Variants in MYO5B observed in about 807,000 individuals in gnomAD.
MYO5B encodes myosin VB, also known as unconventional myosin-Vb.
A neutral mutation model predicts 229.3 loss-of-function variants in MYO5B; 143 were observed. That is an observed-to-expected ratio of 0.62 (90% CI 0.54 to 0.72). The LOEUF (loss-of-function observed/expected upper bound fraction) is 0.72. Among genes scored for constraint, MYO5B ranks in the 30% least tolerant of loss-of-function variants. MYO5B has a pLI of 0.00. For missense variants in MYO5B, 2,321 were observed against 2,331.0 expected (o/e 1.00, Z 0.09); for synonymous variants, 918 against 885.2 (o/e 1.04, Z -0.66).
chr18:49,850,336 C>T (rs2024184887), intron 31 of MYO5B: 1 of 155,710 alleles, frequency 6.4e-6, no homozygotes, highest in African/African-American at 2.4e-5. Flanking sequence ...TAGAGAGTGA[C>T]AGGAAGACAG....
intron 2 of MYO5B, among the ~76,000 whole-genome samples, chr18:50,047,420 C>T (rs1188614198): frequency 1.3e-5 from 2 of 152,092 alleles, no homozygotes; most frequent in South Asian, 2.1e-4. Flanking sequence ...GAATGGCAAT[C>T]ATTAAAAAGT....
chr18:49,843,318 C>T lies in MYO5B; in HGVS notation c.4534G>A (p.Ala1512Thr), dbSNP rs371788153. Reference protein sequence around the residue: ...AYILYMCIRHADYTNDDLKVH... With the variant: ...AYILYMCIRHTDYTNDDLKVH... The stretch of plus-strand genomic sequence containing the variant: ...TTGAGATCGTCGTTGGTGTAGTCCG[C>T]GTGCCGGATGCACATGTAGAGGATG... Residue 1512 changes from alanine to threonine, a missense_variant, in exon 34 of 40, where the codon GCG becomes ACG. By Grantham distance (58) the Ala-to-Thr change is moderately conservative. Around this residue, in one of 2 missense-constraint regions of MYO5B, gnomAD observed 2,113 missense variants for 2,044.7 expected, o/e 1.03. Transcript: ENST00000285039. 6.8e-5 allele frequency: 109 copies of T among 1,614,074 alleles called. No homozygotes were observed. The highest frequency in any genetic ancestry group is 1.6e-4 in the Middle Eastern group (1 of 6,084).
intron 39 of MYO5B, among the ~76,000 whole-genome samples, chr18:49,833,761 T>C (rs1016009194): frequency 7.2e-5 from 11 of 152,190 alleles, no homozygotes; most frequent in African/African-American, 1.4e-4. Context: ...ATCCATATAA[T>C]GGGTCCAGGT....
intron 17 of MYO5B, among the ~76,000 whole-genome samples, chr18:49,926,564 T>C (rs2025130598): frequency 6.6e-6 from 1 of 152,218 alleles, no homozygotes; most frequent in African/African-American, 2.4e-5. Context: ...GCAGTGTGAT[T>C]TCACAAGAGC....
rs867132437 is a variant in MYO5B, at chr18:50,037,101, A to C, written c.311-107T>G. Reference sequence around the variant, plus strand: ...CACATGCCAAAAACCAAAGAATGAGAGGGCAGCAGAACCAGTCTTAACCAA... The same window carrying C: ...CACATGCCAAAAACCAAAGAATGAGCGGGCAGCAGAACCAGTCTTAACCAA... On this transcript the variant is annotated intron_variant, in intron 3 of 39. Transcript: ENST00000285039. 1.5e-4 allele frequency: 186 copies of C among 1,229,688 alleles called. 1 individual carries two copies. Among genetic ancestry groups the C allele is most frequent in the Middle Eastern group, 7.5e-4 (4 of 5,344 alleles). The allele number at this position is 1,229,688 out of a possible 1,614,324, so 76.2% of individuals were successfully genotyped here. A position where few individuals can be genotyped will look rare whatever the true frequency, so the allele number is the denominator to read the frequency against.
chr18:49,985,518 C>T (rs544669665), intron 7 of MYO5B, among the ~76,000 whole-genome samples: 13 of 152,202 alleles, frequency 8.5e-5, no homozygotes, highest in East Asian at 1.9e-4. Context: ...ACAAAGAGGA[C>T]GGCAGAATTA....
intron 1 of MYO5B, among the ~76,000 whole-genome samples, chr18:50,073,613 T>C (rs967411297): frequency 1.3e-5 from 2 of 152,202 alleles, no homozygotes; most frequent in Non-Finnish European, 2.9e-5. Flanking sequence ...CTCTCATGTA[T>C]GCAGCTGAGC....
intron 17 of MYO5B, among the ~76,000 whole-genome samples, chr18:49,927,683 G>A (rs560103570): frequency 6.6e-6 from 1 of 152,290 alleles, no homozygotes; most frequent in South Asian, 2.1e-4. Context: ...GGGATAATTG[G>A]CTAGCCACAT....
intron 1 of MYO5B, chr18:50,063,750 C>G (rs2030749418): frequency 6.6e-6 from 1 of 152,234 alleles, no homozygotes; most frequent in Non-Finnish European, 1.5e-5. Context: ...TCAACCCAGT[C>G]TCTTCAGAAA....
intron 1 of MYO5B, among the ~76,000 whole-genome samples, chr18:50,176,547 T>C (rs900351320): frequency 7.9e-5 from 12 of 152,154 alleles, no homozygotes; most frequent in African/African-American, 2.9e-4. Flanking sequence ...AGGAGGTGTT[T>C]TCCTAGAGTC....
chr18:49,923,911 T>C (rs888187376), intron 17 of MYO5B, among the ~76,000 whole-genome samples: 2 of 152,248 alleles, frequency 1.3e-5, no homozygotes, highest in South Asian at 4.2e-4. Context: ...TCACACCTCC[T>C]ACCTGACAAG....
intron 1 of MYO5B, among the ~76,000 whole-genome samples, chr18:50,164,587 G>T (rs953974614): frequency 2.2e-4 from 3 of 13,784 alleles, no homozygotes; most frequent in Admixed American, 3.1e-3. Context: ...TTTTCAAATT[G>T]TGATTTTTTT....
intron 1 of MYO5B, among the ~76,000 whole-genome samples, chr18:50,072,401 G>A (rs149355378): frequency 6.6e-6 from 1 of 152,316 alleles, no homozygotes; most frequent in Non-Finnish European, 1.5e-5. Context: ...ACAAGAGTGA[G>A]TAGGGAAGGG....
intron 4 of MYO5B, 90 bp from the exon 5 acceptor site, chr18:50,001,501 C>T: frequency 6.9e-7 from 1 of 1,452,190 alleles, no homozygotes; most frequent in Non-Finnish European, 9.6e-7. Context: ...CTGAGCCTCA[C>T]TGGGAGCATC....
intron 33 of MYO5B, among the ~76,000 whole-genome samples, chr18:49,844,882 A>T (rs2024105892): frequency 6.6e-6 from 1 of 152,240 alleles, no homozygotes; most frequent in African/African-American, 2.4e-5. Context: ...GGAAGAGACG[A>T]TGACACTAGT....
chr18:50,126,338 G>A (rs533984578), intron 1 of MYO5B, among the ~76,000 whole-genome samples: 77 of 152,302 alleles, frequency 5.1e-4, no homozygotes, highest in African/African-American at 1.7e-3. Context: ...TAGAGACACA[G>A]TAGTGAACAA....
intron 4 of MYO5B, among the ~76,000 whole-genome samples, chr18:50,005,715 T>C (rs910999765): frequency 6.6e-6 from 1 of 152,226 alleles, no homozygotes; most frequent in African/African-American, 2.4e-5. Flanking sequence ...CTGCCTGGCC[T>C]ATATTTCTTA....
chr18:49,882,634 A>AAAAAAAAAAAG (rs1459008212), intron 22 of MYO5B, among the ~76,000 whole-genome samples: 1 of 150,606 alleles, frequency 6.6e-6, no homozygotes, highest in African/African-American at 2.4e-5. Context: ...CTCAAAAAAA[A>AAAAAAAAAAAG]AAAAAAAGAA....
Position 50,025,665 on chromosome 18 carries a change from G to A in MYO5B, c.455+11185C>T, listed in dbSNP as rs569294072. Among the ~76,000 whole-genome samples the A allele has an allele frequency of 1.8e-3, 278 of 152,280 alleles. 3 individuals carry two copies. The highest frequency in any genetic ancestry group is 6.4e-3 in the African/African-American group (266 of 41,558). ...GCTCTTTAACCCAGCCTAGACAGAT[G>A]ACACTAATAGAGGGACAATGGCCTG... On this transcript the variant is annotated intron_variant, in intron 4 of 39. Transcript: ENST00000285039.
Sources: allele counts gnomAD v4.1 joint callset (sites outside exome capture counted in the v4.1 genomes callset), GRCh38; gene constraint gnomAD v4.1.1; regional missense constraint gnomAD v4.1.1; transcripts MANE v1.5; gene names NCBI Gene and HGNC (gene_info 2026-07-23, HGNC 2026-07-21).